PHKB: variants seen among roughly 807,000 people sequenced by gnomAD.
PHKB encodes phosphorylase kinase regulatory subunit beta.
In PHKB, 122 loss-of-function variants were observed where a neutral mutation model predicts 152.1. That is an observed-to-expected ratio of 0.80 (90% CI 0.69 to 0.93). The LOEUF is 0.93. PHKB is among the 40% of genes least tolerant of loss of function. The pLI, the probability that PHKB is intolerant of heterozygous loss-of-function variation, is 0.00. For missense variants in PHKB, 1,304 were observed against 1,328.4 expected (o/e 0.98, Z 0.29); for synonymous variants, 436 against 464.9 (o/e 0.94, Z 0.80).
At chr16:47,553,715 C>G (rs1275362980) in intron 7 of PHKB, among the ~76,000 whole-genome samples, 1 of 152,108 alleles carries the variant, frequency 6.6e-6, no homozygotes, top group African/African-American at 2.4e-5. Flanking sequence ...CAGATGGGGT[C>G]TCTGAGTGGA....
At chr16:47,463,029 T>C (rs1376706914) in intron 1 of PHKB, 1 of 152,626 alleles carries the variant, frequency 6.6e-6, no homozygotes. Flanking sequence ...GATGTGGCTA[T>C]CTGGATATAA....
intron 6 of PHKB, among the ~76,000 whole-genome samples, chr16:47,545,698 G>T (rs576994984): frequency 6.6e-6 from 1 of 152,288 alleles, no homozygotes; most frequent in East Asian, 1.9e-4. Context: ...TTTCCACTTG[G>T]TTCCATTCTC....
intron 26 of PHKB, among the ~76,000 whole-genome samples, chr16:47,680,512 G>T (rs185070455): frequency 2.0e-5 from 3 of 152,216 alleles, no homozygotes; most frequent in African/African-American, 4.8e-5. Flanking sequence ...TGTATGTGTC[G>T]AGGAATTTAT....
At chr16:47,653,939 G>A (rs1316174948) in intron 20 of PHKB, among the ~76,000 whole-genome samples, 1 of 152,130 alleles carries the variant, frequency 6.6e-6, no homozygotes, top group African/African-American at 2.4e-5. Flanking sequence ...AGGGAAGAGG[G>A]ATTTCAATAA....
At chr16:47,469,852 A>G (rs1181754700) in intron 1 of PHKB, among the ~76,000 whole-genome samples, 7 of 152,222 alleles carry the variant, frequency 4.6e-5, no homozygotes, top group Admixed American at 6.5e-5. Flanking sequence ...TTTCCATACT[A>G]TGGAGTGGAG....
At chr16:47,580,200 A>G in intron 7 of PHKB, 95 bp from the exon 8 acceptor site, 3 of 881,516 alleles carry the variant, frequency 3.4e-6, no homozygotes, top group East Asian at 2.4e-5. Flanking sequence ...ATAAATGTTA[A>G]TAAAGAAATT....
rs1473832602 is a variant in PHKB at position 47,641,675 on chromosome 16, C to T, written c.1591C>T (p.Gln531Ter). ...QQVEPIQIWP[Q>*]QELVKAYLQL... ...AGTAGAACCCATTCAGATATGGCCT[C>T]AGCAGGAGCTTGTGAAAGTAAGTGA... is the stretch of plus-strand genomic sequence containing the variant. Residue 531 changes from glutamine to a stop codon, truncating the protein, a stop_gained, in exon 16 of 31, where the codon CAG (glutamine) becomes TAG (stop). Coordinates refer to ENST00000323584, the MANE Select transcript of PHKB (RefSeq NM_000293.3). LOFTEE classifies it high-confidence loss of function. The T allele has an allele frequency of 2.5e-6, 4 of 1,584,726 alleles. No individual in the cohort carries two copies. The highest frequency in any genetic ancestry group is 1.3e-5 in the African/African-American group (1 of 74,344).
intron 1 of PHKB, among the ~76,000 whole-genome samples, chr16:47,488,676 T>C (rs1970092577): frequency 6.6e-6 from 1 of 152,236 alleles, no homozygotes; most frequent in Admixed American, 6.5e-5. Context: ...TAGCCAATTA[T>C]CCCAGTACCA....
chr16:47,527,629 A>G (rs1220530583), intron 6 of PHKB, among the ~76,000 whole-genome samples: 2 of 152,238 alleles, frequency 1.3e-5, no homozygotes, highest in African/African-American at 4.8e-5. Context: ...GGGTTGAATT[A>G]TGTCCCGTCA....
At position 47,664,416 on chromosome 16, in the gene PHKB, C is replaced by T. The variant is rs527317734; in HGVS notation, c.2337-469C>T. ...ACATGCACACATTTTTTTAATGATA[C>T]GTTATCCACTTAAAAAAAAAAGTCT... On this transcript the variant is annotated intron_variant, in intron 24 of 30. Transcript: ENST00000323584. 3.4e-5 allele frequency: 6 copies of T among 175,296 alleles called. No individual in the cohort carries two copies. In the South Asian group the frequency reaches 6.5e-4, roughly 19 times the overall value. The allele number at this position is 175,296 out of a possible 1,614,324, so 10.9% of individuals were successfully genotyped here.
At chr16:47,678,740 G>A (rs1253515164) in intron 26 of PHKB, among the ~76,000 whole-genome samples, 3 of 151,518 alleles carry the variant, frequency 2.0e-5, no homozygotes, top group Non-Finnish European at 4.4e-5. Context: ...CTCTGATGGT[G>A]GTTTCTTTTG....
chr16:47,698,468 T>C lies in PHKB; in HGVS notation c.3024T>C (p.Ile1008=). Residue 1008 remains isoleucine, a synonymous_variant, in exon 30 of 31, where the codon ATT becomes ATC. Coordinates refer to ENST00000323584, the MANE Select transcript of PHKB (RefSeq NM_000293.3). ...TCTAGTTACTTATGGTTGTATCCAT[T>C]GTACTGGAAAGAAACCCCGAGCTAG... is the stretch of plus-strand genomic sequence containing the variant. ...IVVELLMVVS[I]VLERNPELEF... The C allele has an allele frequency of 6.2e-7, 1 of 1,611,170 alleles. No homozygotes were observed. The highest frequency in any genetic ancestry group is 8.5e-7 in the Non-Finnish European group (1 of 1,177,382).
At chr16:47,533,609 G>A (rs1970900821) in intron 6 of PHKB, among the ~76,000 whole-genome samples, 1 of 152,220 alleles carries the variant, frequency 6.6e-6, no homozygotes, top group South Asian at 2.1e-4. Flanking sequence ...ACACTTGGCT[G>A]GGCTGTTATA....
chr16:47,594,579 A>G (rs1972086522), intron 12 of PHKB, among the ~76,000 whole-genome samples: 1 of 152,180 alleles, frequency 6.6e-6, no homozygotes, highest in South Asian at 2.1e-4. Context: ...GCTCTTGTCT[A>G]AAGGCACTAG....
chr16:47,640,735 C>G (rs1037315162), intron 14 of PHKB, among the ~76,000 whole-genome samples: 49 of 152,060 alleles, frequency 3.2e-4, no homozygotes, highest in Admixed American at 3.2e-3. Context: ...TGGAAAATGA[C>G]TCTCGGTCCC....
At chr16:47,571,573 T>C (rs1971659243) in intron 7 of PHKB, among the ~76,000 whole-genome samples, 2 of 152,166 alleles carry the variant, frequency 1.3e-5, no homozygotes, top group East Asian at 1.9e-4. Flanking sequence ...AGTGGGACTC[T>C]ATCTCTCATG....
chr16:47,650,761 A>G (rs1016331651), intron 19 of PHKB, 70 bp from the exon 20 acceptor site: 1 of 1,294,978 alleles, frequency 7.7e-7, no homozygotes, highest in Admixed American at 1.8e-5. Context: ...TATAAGGGGC[A>G]CTTAGTATTA....
chr16:47,587,837 C>T, intron 9 of PHKB, 74 bp downstream of exon 9: 4 of 1,077,366 alleles, frequency 3.7e-6, no homozygotes, highest in Admixed American at 1.8e-5. Flanking sequence ...TCTTAATTTC[C>T]AGTAAAGTAC....
intron 12 of PHKB, among the ~76,000 whole-genome samples, chr16:47,595,083 A>C (rs1972094791): frequency 6.6e-6 from 1 of 152,216 alleles, no homozygotes; most frequent in African/African-American, 2.4e-5. Flanking sequence ...TTATGCTACA[A>C]ATAATCACTT....
Sources: gnomAD v4.1 joint callset for allele counts (sites outside exome capture counted in the v4.1 genomes callset) on GRCh38, gnomAD v4.1.1 for gene constraint, MANE v1.5 for transcripts, NCBI Gene and HGNC (gene_info 2026-07-23, HGNC 2026-07-21) for gene names.